The following PATJ variants were observed in gnomAD, a reference collection of about 807,000 sequenced individuals.
PATJ encodes PATJ crumbs cell polarity complex component.
In PATJ, 190 loss-of-function variants were observed where a neutral mutation model predicts 224.9. That is an observed-to-expected ratio of 0.84 (90% confidence interval 0.75 to 0.95). PATJ has a LOEUF of 0.95. PATJ is among the 40% of genes least tolerant of loss of function. The pLI is 0.00. For synonymous variants in PATJ, 769 were observed against 820.3 expected, an observed-to-expected ratio of 0.94 and a Z score of 1.07; for missense variants, 2,121 against 2,270.3, an observed-to-expected ratio of 0.93 and a Z score of 1.34.
At chr1:61,962,982 T>A (rs1386611547) in intron 27 of PATJ, among the ~76,000 whole-genome samples, 1 of 152,260 alleles carries the variant, frequency 6.6e-6, no homozygotes, top group Admixed American at 6.5e-5. Context: ...TTAAGTTGTA[T>A]TCCATTGTCC....
chr1:61,834,295 C>T (rs1659824712), intron 17 of PATJ, among the ~76,000 whole-genome samples: 2 of 152,276 alleles, frequency 1.3e-5, no homozygotes, highest in East Asian at 3.9e-4. Flanking sequence ...TTTAGCTTAC[C>T]TATTAATTTC....
chr1:62,134,201 CGTCTT>C (rs922329918), intron 41 of PATJ, among the ~76,000 whole-genome samples: 2 of 144,820 alleles, frequency 1.4e-5, no homozygotes, highest in African/African-American at 5.1e-5. Flanking sequence ...ACCGTACTCT[CGTCTT>C]TTTTTTTTTT....
chr1:62,094,472 TG>T (rs568129996), intron 33 of PATJ, among the ~76,000 whole-genome samples: 304 of 151,798 alleles, frequency 2.0e-3, no homozygotes, highest in African/African-American at 7.0e-3. Flanking sequence ...CTCAAACTCC[TG>T]GGCTCAAGCA....
Position 61,805,452 on chromosome 1 carries a change from A to G in PATJ, c.1554A>G (p.Lys518=). Residue 518 remains lysine (K), a synonymous_variant, in exon 13 of 44, where the codon AAA becomes AAG. Transcript: ENST00000642238. ...CTCTTTTTTTTTAATATCCAGAAAA[A>G]GTCCCAGACTCTCCAGAAAATGAGC... ...DNIQALEKLE[K]VPDSPENELK... 2 of 1,597,442 alleles carry G rather than the reference A, an allele frequency of 1.3e-6. No individual in the cohort carries two copies. Among genetic ancestry groups the G allele is most frequent in the Non-Finnish European group, 8.6e-7 (1 of 1,166,198 alleles).
intron 37 of PATJ, 92 bp downstream of exon 37, chr1:62,117,310 T>G (rs1664547180): frequency 6.4e-7 from 1 of 1,572,230 alleles, no homozygotes; most frequent in African/African-American, 1.4e-5. Context: ...GGAAATAATA[T>G]CTAATGTACA....
chr1:61,828,649 C>T (rs1658761511), intron 16 of PATJ, among the ~76,000 whole-genome samples: 1 of 152,132 alleles, frequency 6.6e-6, no homozygotes, highest in Non-Finnish European at 1.5e-5. Context: ...ACCTCAACCC[C>T]CCAAAATGCT....
intron 14 of PATJ, among the ~76,000 whole-genome samples, chr1:61,809,387 C>CTTT (rs747444674): frequency 7.3e-6 from 1 of 137,926 alleles, no homozygotes. Context: ...AATGTATTTT[C>CTTT]TTTTTTTTTT....
intron 27 of PATJ, among the ~76,000 whole-genome samples, chr1:61,933,998 C>T (rs576676581): frequency 6.6e-6 from 1 of 152,060 alleles, no homozygotes; most frequent in East Asian, 1.9e-4. Flanking sequence ...TGCAGTGGTG[C>T]AATCTCGGCT....
chr1:61,796,470 TA>T (rs1651125748), intron 10 of PATJ, among the ~76,000 whole-genome samples: 2 of 152,202 alleles, frequency 1.3e-5, no homozygotes. Context: ...ACATCTTGTG[TA>T]ATAACTGGCC....
At chr1:61,818,529 C>G (rs1174531437) in intron 14 of PATJ, among the ~76,000 whole-genome samples, 1 of 152,190 alleles carries the variant, frequency 6.6e-6, no homozygotes. Flanking sequence ...GGTAATTAAA[C>G]AGTCCTGCTC....
intron 30 of PATJ, among the ~76,000 whole-genome samples, chr1:62,046,308 C>T (rs1215622443): frequency 6.6e-6 from 1 of 152,160 alleles, no homozygotes; most frequent in South Asian, 2.1e-4. Flanking sequence ...ATAAACATTA[C>T]AACTTTAGCT....
chr1:61,976,190 C>T (rs1644121062), intron 27 of PATJ, among the ~76,000 whole-genome samples: 1 of 151,950 alleles, frequency 6.6e-6, no homozygotes, highest in African/African-American at 2.4e-5. Flanking sequence ...TTCTGCTACT[C>T]TAGCAGAAGT....
intron 43 of PATJ, among the ~76,000 whole-genome samples, chr1:62,158,995 T>C (rs926981564): frequency 6.6e-6 from 1 of 152,142 alleles, no homozygotes; most frequent in African/African-American, 2.4e-5. Context: ...AAAAGATAAA[T>C]AGCTTAACAT....
chr1:61,927,073 C>A (rs906135646), intron 26 of PATJ, among the ~76,000 whole-genome samples: 6 of 152,034 alleles, frequency 3.9e-5, no homozygotes, highest in African/African-American at 1.4e-4. Flanking sequence ...GAGTTTAGTT[C>A]TACTTTAATT....
chr1:61,839,855 C>T (rs917751289), intron 17 of PATJ, among the ~76,000 whole-genome samples: 3 of 151,984 alleles, frequency 2.0e-5, no homozygotes, highest in Non-Finnish European at 2.9e-5. Flanking sequence ...TTTTGAAACA[C>T]TATTTTTATC....
intron 10 of PATJ, among the ~76,000 whole-genome samples, chr1:61,796,653 ATTTAT>A (rs1651166107): frequency 1.4e-5 from 2 of 145,866 alleles, no homozygotes; most frequent in South Asian, 2.2e-4. Context: ...TAAGGTCTAA[ATTTAT>A]TTTCTTTCTT....
chr1:61,783,423 C>CTTT (rs79615768), intron 7 of PATJ, among the ~76,000 whole-genome samples: 1 of 119,232 alleles, frequency 8.4e-6, no homozygotes, highest in Non-Finnish European at 1.8e-5. Flanking sequence ...CTTTTCTTTT[C>CTTT]TTTTTTTTTT....
intron 31 of PATJ, among the ~76,000 whole-genome samples, chr1:62,061,805 A>G (rs542217082): frequency 1.3e-5 from 2 of 152,128 alleles, no homozygotes; most frequent in South Asian, 4.2e-4. Context: ...GACTGCAGGC[A>G]CCTGCCACCA....
intron 22 of PATJ, among the ~76,000 whole-genome samples, chr1:61,887,140 TTTGC>T (rs1211116576): frequency 6.6e-6 from 1 of 152,114 alleles, no homozygotes; most frequent in Non-Finnish European, 1.5e-5. Flanking sequence ...GAGAATTTTC[TTTGC>T]TTGTGGAATA....
Sources: gnomAD v4.1 joint callset for allele counts (sites outside exome capture counted in the v4.1 genomes callset) on GRCh38, gnomAD v4.1.1 for gene constraint, MANE v1.5 for transcripts, NCBI Gene and HGNC (gene_info 2026-07-23, HGNC 2026-07-21) for gene names.